The following DPYD variants were observed in gnomAD, a reference collection of about 807,000 sequenced individuals.
DPYD encodes dihydropyrimidine dehydrogenase [NADP(+)].
In DPYD, 109 loss-of-function variants were observed where a neutral mutation model predicts 116.2. The observed-to-expected ratio is 0.94, with a 90% confidence interval of 0.80 to 1.10. DPYD has a LOEUF of 1.10. Among genes scored for constraint, DPYD ranks in the 50% least tolerant of loss-of-function variants. The pLI is 0.00. For synonymous variants in DPYD, 440 were observed against 432.0 expected (o/e 1.02, Z -0.23); for missense variants, 1,302 against 1,254.5 (o/e 1.04, Z -0.57).
chr1:97,096,894 C>T (rs1009474856), intron 21 of DPYD, among the ~76,000 whole-genome samples: 1 of 152,108 alleles, frequency 6.6e-6, no homozygotes, highest in East Asian at 1.9e-4. Flanking sequence ...GTCCTTGCCA[C>T]ATTTAAGAGC....
chr1:97,863,996 T>C (rs1671248525), intron 2 of DPYD, among the ~76,000 whole-genome samples: 1 of 151,906 alleles, frequency 6.6e-6, no homozygotes, highest in Admixed American at 6.6e-5. Flanking sequence ...CACAATAAAA[T>C]GCCAGGAACT....
At chr1:97,090,479 C>G (rs1649828338) in intron 21 of DPYD, among the ~76,000 whole-genome samples, 1 of 152,150 alleles carries the variant, frequency 6.6e-6, no homozygotes. Flanking sequence ...TGCTTGAAAC[C>G]TCATAAGTAC....
chr1:97,095,180 G>T (rs1260435649), intron 21 of DPYD, among the ~76,000 whole-genome samples: 1 of 151,850 alleles, frequency 6.6e-6, no homozygotes, highest in Non-Finnish European at 1.5e-5. Context: ...AATTACTTAC[G>T]GCATAAAACT....
At chr1:97,270,660 G>T (rs59037276) in intron 18 of DPYD, among the ~76,000 whole-genome samples, 1 of 152,092 alleles carries the variant, frequency 6.6e-6, no homozygotes, top group African/African-American at 2.4e-5. Context: ...TGTGAACACT[G>T]GGAATTTGTC....
intron 19 of DPYD, among the ~76,000 whole-genome samples, chr1:97,226,638 A>G (rs1192471438): frequency 6.6e-6 from 1 of 152,184 alleles, no homozygotes; most frequent in South Asian, 2.1e-4. Context: ...AGTAGCATAA[A>G]AATAAACACT....
In DPYD at chr1:97,515,788, T is replaced by C. The variant is rs1314015254; in HGVS notation, c.1678A>G (p.Ile560Val). The C allele has an allele frequency of 2.5e-6, 4 of 1,613,020 alleles. No individual in the cohort carries two copies. The East Asian group carries it at 8.9e-5, about 36-fold the overall frequency. Residue 560 changes from isoleucine (I) to valine (V), a missense_variant, in exon 13 of 23, where the codon ATT (isoleucine) becomes GTT (valine). Transcript: ENST00000370192. ...CATCCAGCTTCAAAAGCTCTTCGAA[T>C]CATTGATGTGCTGGTGGCTGGAGTT... ...SATPATSTSM[I>V]RRAFEAGWGF...
At chr1:97,370,380 C>T (rs1028264777) in intron 16 of DPYD, among the ~76,000 whole-genome samples, 1 of 151,992 alleles carries the variant, frequency 6.6e-6, no homozygotes, top group Admixed American at 6.6e-5. Context: ...CACATGGACA[C>T]AGGGAGGGAA....
At chr1:97,621,237 G>A (rs1430612874) in intron 8 of DPYD, among the ~76,000 whole-genome samples, 1 of 152,048 alleles carries the variant, frequency 6.6e-6, no homozygotes. Context: ...AATTGGAATG[G>A]TGGTATGAAT....
At chr1:97,426,035 T>C (rs1157476183) in intron 14 of DPYD, among the ~76,000 whole-genome samples, 1 of 151,988 alleles carries the variant, frequency 6.6e-6, no homozygotes, top group African/African-American at 2.4e-5. Context: ...AATAATTTCA[T>C]TATTTTTCAT....
chr1:97,841,467 A>T (rs1323734132), intron 2 of DPYD, among the ~76,000 whole-genome samples: 6 of 152,050 alleles, frequency 3.9e-5, no homozygotes, highest in Non-Finnish European at 7.4e-5. Context: ...CTTTGACTTA[A>T]TTCTGAGTAT....
intron 11 of DPYD, among the ~76,000 whole-genome samples, chr1:97,567,816 C>A (rs1652631731): frequency 6.6e-6 from 1 of 152,006 alleles, no homozygotes; most frequent in South Asian, 2.1e-4. Context: ...GAACAAAAGT[C>A]ATTTAAAAAT....
intron 22 of DPYD, among the ~76,000 whole-genome samples, chr1:97,081,208 C>T (rs1649126726): frequency 6.6e-6 from 1 of 151,768 alleles, no homozygotes; most frequent in Admixed American, 6.6e-5. Context: ...AGTATGGAAT[C>T]TGCCCCTAGG....
chr1:97,251,240 T>TA (rs1194686280), intron 18 of DPYD, among the ~76,000 whole-genome samples: 1 of 150,788 alleles, frequency 6.6e-6, no homozygotes, highest in Non-Finnish European at 1.5e-5. Flanking sequence ...CCAGTAAAAA[T>TA]ACAAAATCAG....
chr1:97,741,227 A>C (rs1255076585), intron 3 of DPYD, among the ~76,000 whole-genome samples: 1 of 152,152 alleles, frequency 6.6e-6, no homozygotes, highest in Non-Finnish European at 1.5e-5. Flanking sequence ...GTCTGCAAGG[A>C]GCCATTGAAG....
intron 13 of DPYD, among the ~76,000 whole-genome samples, chr1:97,465,195 G>C (rs754903210): frequency 5.3e-5 from 8 of 152,192 alleles, no homozygotes; most frequent in Non-Finnish European, 8.8e-5. Context: ...TGGAATGGCT[G>C]TATTTACCCA....
At chr1:97,479,893 T>C (rs1428533727) in intron 13 of DPYD, among the ~76,000 whole-genome samples, 1 of 152,208 alleles carries the variant, frequency 6.6e-6, no homozygotes, top group Non-Finnish European at 1.5e-5. Context: ...GGGGGCAATG[T>C]GTCCAATTTA....
At chr1:97,484,196 T>C (rs1193945781) in intron 13 of DPYD, among the ~76,000 whole-genome samples, 1 of 152,110 alleles carries the variant, frequency 6.6e-6, no homozygotes, top group Non-Finnish European at 1.5e-5. Flanking sequence ...TCCCAGCTAC[T>C]CAGGAGGCTA....
chr1:97,719,932 T>C (rs1662825835), intron 5 of DPYD: 1 of 984,884 alleles, frequency 1.0e-6, no homozygotes, highest in Non-Finnish European at 1.2e-6. Flanking sequence ...AGGTGATACT[T>C]ATGGCAAGAC....
chr1:97,655,167 T>C (rs1423226405), intron 8 of DPYD, among the ~76,000 whole-genome samples: 1 of 152,100 alleles, frequency 6.6e-6, no homozygotes, highest in African/African-American at 2.4e-5. Context: ...TACTTGAATA[T>C]ACACAAGCAT....
Sources: allele counts gnomAD v4.1 joint callset (sites outside exome capture counted in the v4.1 genomes callset), GRCh38; gene constraint gnomAD v4.1.1; transcripts MANE v1.5; gene names NCBI Gene and HGNC (gene_info 2026-07-23, HGNC 2026-07-21).